Variants in CASK observed in about 807,000 individuals in gnomAD.
CASK encodes peripheral plasma membrane protein CASK.
In CASK, 4 loss-of-function variants were observed where a neutral mutation model predicts 82.9. That is an observed-to-expected ratio of 0.05 (90% CI 0.02 to 0.11). CASK has a LOEUF of 0.11. CASK is among the 10% of genes least tolerant of loss of function. CASK has a pLI of 1.00. For synonymous variants in CASK, 259 were observed against 253.5 expected (o/e 1.02, Z -0.20); for missense variants, 358 against 720.9 (o/e 0.50, Z 5.76).
chrX:41,702,381 G>A (rs1038665399), intron 5 of CASK, among the ~76,000 whole-genome samples: 5 of 105,640 alleles, frequency 4.7e-5, no homozygotes, highest in East Asian at 3.0e-4. Context: ...GCAAAACTTC[G>A]TCTCAAAAAC....
At chrX:41,640,974 C>T (rs1220835256) in intron 8 of CASK, among the ~76,000 whole-genome samples, 3 of 95,029 alleles carry the variant, frequency 3.2e-5, no homozygotes, top group East Asian at 6.2e-4. Flanking sequence ...TAAGGTATCT[C>T]GTCTTTTTTT....
chrX:41,788,653 G>A (rs1222111145), intron 2 of CASK, among the ~76,000 whole-genome samples: 1 of 111,542 alleles, frequency 9.0e-6, no homozygotes, highest in African/African-American at 3.3e-5. Context: ...TGACAAAAGA[G>A]AAGCCACAAG....
chrX:41,908,044 C>T (rs1228496985), intron 1 of CASK, among the ~76,000 whole-genome samples: 1 of 111,389 alleles, frequency 9.0e-6, no homozygotes, highest in Non-Finnish European at 1.9e-5. Flanking sequence ...GGCCTGGTTT[C>T]TAACAGGTCA....
chrX:41,748,237 G>T lies in CASK; in HGVS notation c.279-2636C>A, dbSNP rs755304023. On this transcript the variant is annotated intron_variant, in intron 3 of 26. Coordinates refer to ENST00000378163, the MANE Select transcript of CASK (RefSeq NM_001367721.1). ...AATGGTGTGCATGAATGTCCTGGCTGATGCTATCCAGAGCATCAACAATAC... is the reference window on the plus strand; with the variant it reads ...AATGGTGTGCATGAATGTCCTGGCTTATGCTATCCAGAGCATCAACAATAC... 9.4e-4 allele frequency: 113 copies of T among 120,760 alleles called. 1 individual carries two copies. The highest frequency in any genetic ancestry group is 1.6e-3 in the Non-Finnish European group (96 of 58,391). 10.0% of individuals were successfully genotyped at this position (120,760 alleles called of 1,213,427 possible).
intron 2 of CASK, among the ~76,000 whole-genome samples, chrX:41,830,765 A>T (rs1398838819): frequency 1.0e-5 from 1 of 99,521 alleles, no homozygotes; most frequent in Non-Finnish European, 2.0e-5. Flanking sequence ...GCTTGCAGTG[A>T]GCCGAGATCG....
At chrX:41,771,414 G>C (rs1174765448) in intron 3 of CASK, among the ~76,000 whole-genome samples, 1 of 111,728 alleles carries the variant, frequency 9.0e-6, no homozygotes. Flanking sequence ...AACAAACAAA[G>C]GATAAGTGTG....
At chrX:41,530,264 A>T (rs745398886) in intron 25 of CASK, among the ~76,000 whole-genome samples, 1 of 111,761 alleles carries the variant, frequency 8.9e-6, no homozygotes, top group Non-Finnish European at 1.9e-5. Context: ...GTTTGTACTC[A>T]GAGATGAAAA....
At chrX:41,775,379 G>C (rs2069338402) in intron 3 of CASK, among the ~76,000 whole-genome samples, 2 of 109,168 alleles carry the variant, frequency 1.8e-5, no homozygotes, top group African/African-American at 3.3e-5. Flanking sequence ...AAAAAGTCAG[G>C]AAACAACAGG....
At chrX:41,699,410 T>TA (rs1220740824) in intron 5 of CASK, among the ~76,000 whole-genome samples, 1 of 111,929 alleles carries the variant, frequency 8.9e-6, no homozygotes, top group Non-Finnish European at 1.9e-5. Flanking sequence ...TGTTAACACA[T>TA]ACCATCTAAA....
chrX:41,676,135 T>C, intron 5 of CASK: 1 of 1,153,156 alleles, frequency 8.7e-7, no homozygotes, highest in Non-Finnish European at 1.2e-6. Flanking sequence ...CTCCTTTCAT[T>C]TTCAAAGAGA....
intron 2 of CASK, among the ~76,000 whole-genome samples, chrX:41,832,493 T>C (rs2070842776): frequency 1.8e-5 from 2 of 112,760 alleles, no homozygotes; most frequent in South Asian, 7.3e-4. Flanking sequence ...TCATATGACC[T>C]AGCAATTCTA....
rs145531301 is a variant in CASK at position 41,860,123 on chromosome X, T to C, written c.60-6896A>G. On this transcript the variant is annotated intron_variant, in intron 1 of 26. Transcript: ENST00000378163. ...CCCTCAAAAAATATCTGGTGAATGA[T>C]ATAAGAAAAATGACAAACTAGAAAT... 3.6e-3 allele frequency among the ~76,000 whole-genome samples: 400 copies of C among 111,271 alleles called. 7 individuals are homozygous for C. Among genetic ancestry groups the C allele is most frequent in the African/African-American group, 0.012 (382 of 30,676 alleles).
chrX:41,682,646 T>C (rs1325303722), intron 5 of CASK, among the ~76,000 whole-genome samples: 4 of 105,375 alleles, frequency 3.8e-5, no homozygotes, highest in Non-Finnish European at 5.8e-5. Flanking sequence ...GGTCTCACTC[T>C]GTCACCCAGG....
intron 1 of CASK, among the ~76,000 whole-genome samples, chrX:41,892,730 C>T (rs1446496994): frequency 5.4e-5 from 6 of 111,930 alleles, no homozygotes; most frequent in Non-Finnish European, 9.4e-5. Context: ...CAAGCAATTC[C>T]ATTTCTGAAA....
intron 1 of CASK, among the ~76,000 whole-genome samples, chrX:41,912,790 T>TTTTATATATA (rs757109963): frequency 2.0e-5 from 2 of 97,952 alleles, no homozygotes; most frequent in Non-Finnish European, 4.1e-5. Flanking sequence ...TGCAAGTAAT[T>TTTTATATATA]TATATATATA....
intron 11 of CASK, 74 bp downstream of exon 11, chrX:41,622,543 T>C: frequency 1.2e-6 from 1 of 865,780 alleles, no homozygotes; most frequent in Non-Finnish European, 1.6e-6. Context: ...AAAGTCAAGC[T>C]GATTACGAAC....
At chrX:41,569,614 C>T in intron 16 of CASK, 54 bp downstream of exon 16, 2 of 849,231 alleles carry the variant, frequency 2.4e-6, no homozygotes, top group Non-Finnish European at 3.5e-6. Flanking sequence ...CTTCACTAGG[C>T]TACAGGGAAA....
chrX:41,835,960 A>G (rs937051777), intron 2 of CASK, among the ~76,000 whole-genome samples: 7 of 112,030 alleles, frequency 6.2e-5, no homozygotes, highest in African/African-American at 2.3e-4. Context: ...TTGTCATAAT[A>G]CAGCAAAATT....
intron 16 of CASK, chrX:41,562,340 T>C (rs1231443476): frequency 1.8e-5 from 2 of 112,740 alleles, no homozygotes; most frequent in Non-Finnish European, 3.7e-5. Context: ...ACAATGTTGC[T>C]TCCTTATTTA....
Sources: gnomAD v4.1 joint callset for allele counts (sites outside exome capture counted in the v4.1 genomes callset) on GRCh38, gnomAD v4.1.1 for gene constraint, MANE v1.5 for transcripts, NCBI Gene and HGNC (gene_info 2026-07-23, HGNC 2026-07-21) for gene names.